Variants in XKR9 observed in about 807,000 individuals in gnomAD.
The protein encoded by XKR9 is XK related 9, also known as XK-related protein 9.
Under a neutral mutation model 32.0 loss-of-function variants are expected in XKR9, and 32 were observed. The observed-to-expected ratio is 1.00, with a 90% confidence interval of 0.76 to 1.34. XKR9 has a LOEUF of 1.34. XKR9 is among the 40% of genes most tolerant of loss of function. The pLI, the probability that XKR9 is intolerant of heterozygous loss-of-function variation, is 0.00. For missense variants in XKR9, 546 were observed against 429.7 expected (o/e 1.27, Z -2.39); for synonymous variants, 168 against 143.4 (o/e 1.17, Z -1.22).
chr8:70,980,164 G>T, the XKR9 span, among the ~76,000 whole-genome samples: 6 of 152,336 alleles, frequency 3.9e-5, no homozygotes, highest in East Asian at 1.2e-3. Context: ...GGTATAGTCT[G>T]CCATGGCTTC....
chr8:70,812,415 C>G, the XKR9 span, among the ~76,000 whole-genome samples: 5 of 152,160 alleles, frequency 3.3e-5, no homozygotes, highest in Non-Finnish European at 5.9e-5. Flanking sequence ...CACTCCTATT[C>G]AACGTAGTGT....
At chr8:70,688,741 G>GA (rs1224713604) in intron 3 of XKR9, among the ~76,000 whole-genome samples, 2 of 149,294 alleles carry the variant, frequency 1.3e-5, no homozygotes, top group East Asian at 1.9e-4. Context: ...AAATTGATTG[G>GA]AAAAAAAAGG....
the XKR9 span, among the ~76,000 whole-genome samples, chr8:70,907,839 C>T: frequency 4.2e-4 from 64 of 152,324 alleles, no homozygotes; most frequent in Non-Finnish European, 7.6e-4. Flanking sequence ...ATATTCTTAT[C>T]TAACCTGATC....
chr8:70,704,820 A>C (rs1036178282), intron 3 of XKR9, among the ~76,000 whole-genome samples: 1 of 152,232 alleles, frequency 6.6e-6, no homozygotes, highest in Admixed American at 6.5e-5. Flanking sequence ...GACTTTTCTT[A>C]GAAATCTTGC....
chr8:71,008,734 C>T, the XKR9 span, among the ~76,000 whole-genome samples: 1 of 152,156 alleles, frequency 6.6e-6, no homozygotes, highest in Non-Finnish European at 1.5e-5. Flanking sequence ...TCATGCAATC[C>T]TTCCTCCTCA....
At chr8:71,042,074 C>T in the XKR9 span, among the ~76,000 whole-genome samples, 4 of 151,990 alleles carry the variant, frequency 2.6e-5, no homozygotes, top group Admixed American at 6.6e-5. Context: ...TGTGGGACCA[C>T]GAAACCAGAG....
chr8:70,813,062 C>T, the XKR9 span, among the ~76,000 whole-genome samples: 21 of 152,178 alleles, frequency 1.4e-4, no homozygotes, highest in South Asian at 3.9e-3. Context: ...GCTACAGTAA[C>T]CAAAACAGCA....
chr8:70,963,819 G>A, the XKR9 span, among the ~76,000 whole-genome samples: 1 of 152,136 alleles, frequency 6.6e-6, no homozygotes, highest in South Asian at 2.1e-4. Context: ...GGGGTTGTTT[G>A]TTTTTATCTT....
intron 2 of XKR9, among the ~76,000 whole-genome samples, chr8:70,776,785 TA>T (rs753821961): frequency 4.0e-5 from 6 of 151,828 alleles, no homozygotes; most frequent in Non-Finnish European, 5.9e-5. Context: ...CCTGCCACCT[TA>T]AATTAAGAAA....
At chr8:70,844,468 G>A in the XKR9 span, among the ~76,000 whole-genome samples, 11 of 152,304 alleles carry the variant, frequency 7.2e-5, no homozygotes, top group African/African-American at 2.6e-4. Context: ...CAGCACGCTT[G>A]TACATGCCCT....
chr8:70,676,654 C>T (rs1479159725), intron 2 of XKR9, among the ~76,000 whole-genome samples: 1 of 152,148 alleles, frequency 6.6e-6, no homozygotes, highest in African/African-American at 2.4e-5. Context: ...ATCTAATGTT[C>T]TGCCAGTAAC....
the XKR9 span, among the ~76,000 whole-genome samples, chr8:71,060,138 T>C: frequency 0.32 from 48,852 of 152,122 alleles, 9,151 homozygotes; most frequent in Non-Finnish European, 0.43. Context: ...ACTAGTTACA[T>C]GTGGCCTCAA....
the XKR9 span, among the ~76,000 whole-genome samples, chr8:70,854,960 C>A: frequency 6.6e-6 from 1 of 152,064 alleles, no homozygotes; most frequent in South Asian, 2.1e-4. Flanking sequence ...TAGCATGATG[C>A]CTCCAGCTTT....
chr8:70,818,964 C>T, the XKR9 span, among the ~76,000 whole-genome samples: 83 of 152,220 alleles, frequency 5.5e-4, no homozygotes, highest in Non-Finnish European at 1.9e-4. Flanking sequence ...GGAAAAGGGC[C>T]GAATAGTAAT....
At chr8:70,864,512 G>A in the XKR9 span, among the ~76,000 whole-genome samples, 1 of 152,078 alleles carries the variant, frequency 6.6e-6, no homozygotes, top group Admixed American at 6.5e-5. Flanking sequence ...TCACATAAAA[G>A]CCTTTGAAAT....
chr8:70,891,979 T>G, the XKR9 span, among the ~76,000 whole-genome samples: 8 of 152,204 alleles, frequency 5.3e-5, no homozygotes, highest in African/African-American at 1.9e-4. Flanking sequence ...TATATGCTTT[T>G]GCTGCATTGA....
chr8:70,944,397 A>G, the XKR9 span, among the ~76,000 whole-genome samples: 1 of 152,220 alleles, frequency 6.6e-6, no homozygotes, highest in African/African-American at 2.4e-5. Flanking sequence ...CAAAAGAAAC[A>G]AATGTAATAT....
intron 2 of XKR9, among the ~76,000 whole-genome samples, chr8:70,767,798 G>A (rs1807399274): frequency 6.6e-6 from 1 of 151,982 alleles, no homozygotes; most frequent in Non-Finnish European, 1.5e-5. Context: ...ACCGCACCCA[G>A]CCTGATTCTT....
chr8:70,674,178 A>C (rs180871447), intron 1 of XKR9, among the ~76,000 whole-genome samples: 1 of 152,292 alleles, frequency 6.6e-6, no homozygotes, highest in Admixed American at 6.5e-5. Flanking sequence ...CTTAAAAAAA[A>C]GCATATGTGG....
Sources: gnomAD v4.1 joint callset for allele counts (sites outside exome capture counted in the v4.1 genomes callset) on GRCh38, gnomAD v4.1.1 for gene constraint, MANE v1.5 for transcripts, NCBI Gene and HGNC (gene_info 2026-07-23, HGNC 2026-07-21) for gene names.